The following DNAH6 variants were observed in gnomAD, a reference collection of about 807,000 sequenced individuals.
DNAH6 encodes the protein dynein axonemal heavy chain 6.
A neutral mutation model predicts 491.4 loss-of-function variants in DNAH6; 340 were observed. That is an observed-to-expected ratio of 0.69 (90% confidence interval 0.63 to 0.76). The LOEUF is 0.76. DNAH6 is among the 30% of genes least tolerant of loss of function. DNAH6 has a pLI of 0.00. For synonymous variants in DNAH6, 1,603 were observed against 1,686.1 expected (o/e 0.95, Z 1.21); for missense variants, 4,443 against 4,972.2 (o/e 0.89, Z 3.20).
At chr2:84,515,275 A>G (rs1675515524), upstream of DNAH6, among the ~76,000 whole-genome samples, 1 of 152,150 alleles carries the variant, frequency 6.6e-6, no homozygotes, top group Non-Finnish European at 1.5e-5. Flanking sequence ...AATTTTTTCT[A>G]AACTGACTTT....
At chr2:84,476,839 C>T in the DNAH6 span, among the ~76,000 whole-genome samples, 14 of 152,214 alleles carry the variant, frequency 9.2e-5, no homozygotes, top group African/African-American at 3.4e-4. Context: ...TAATAATTGC[C>T]TTAGGAAATT....
chr2:84,755,234 T>A (rs1485931488), intron 63 of DNAH6, among the ~76,000 whole-genome samples: 1 of 152,184 alleles, frequency 6.6e-6, no homozygotes, highest in South Asian at 2.1e-4. Flanking sequence ...GGGCTTCTTA[T>A]AAAAGCAAGT....
intron 3 of DNAH6, among the ~76,000 whole-genome samples, chr2:84,528,213 A>G (rs1244901511): frequency 6.6e-6 from 1 of 152,170 alleles, no homozygotes; most frequent in Non-Finnish European, 1.5e-5. Flanking sequence ...CATGGTCAGC[A>G]GGATCCAAAC....
intron 16 of DNAH6, among the ~76,000 whole-genome samples, 193 bp from the exon 17 acceptor site, chr2:84,593,779 A>C (rs1684323015): frequency 6.6e-6 from 1 of 151,608 alleles, no homozygotes; most frequent in South Asian, 2.1e-4. Flanking sequence ...TCTAATGGAA[A>C]GTCTAATATA....
At chr2:84,635,866 C>T (rs933412010) in intron 30 of DNAH6, among the ~76,000 whole-genome samples, 9 of 152,166 alleles carry the variant, frequency 5.9e-5, no homozygotes, top group Admixed American at 2.0e-4. Flanking sequence ...GGCTGTGGCA[C>T]ATCACCTTAC....
intron 63 of DNAH6, among the ~76,000 whole-genome samples, chr2:84,760,749 A>T (rs915794656): frequency 1.3e-5 from 2 of 152,122 alleles, no homozygotes; most frequent in Non-Finnish European, 2.9e-5. Context: ...AACAGTATTT[A>T]AAAAAATTTT....
At chr2:84,519,474 G>C (rs1675925674) in intron 2 of DNAH6, among the ~76,000 whole-genome samples, 1 of 152,036 alleles carries the variant, frequency 6.6e-6, no homozygotes, top group South Asian at 2.1e-4. Flanking sequence ...TAGCTTAATA[G>C]TCTAGTGACT....
the DNAH6 span, among the ~76,000 whole-genome samples, chr2:84,477,281 A>G: frequency 1.3e-5 from 2 of 152,300 alleles, no homozygotes; most frequent in East Asian, 3.9e-4. Flanking sequence ...ATGTTCTGCT[A>G]CTTGAGATAA....
At chr2:84,629,584 G>T (rs1250520042) in intron 29 of DNAH6, among the ~76,000 whole-genome samples, 1 of 152,116 alleles carries the variant, frequency 6.6e-6, no homozygotes, top group Non-Finnish European at 1.5e-5. Context: ...GCTTGCTTAT[G>T]CTTTTTTAAA....
intron 2 of DNAH6, among the ~76,000 whole-genome samples, chr2:84,524,753 C>G (rs1455054346): frequency 6.6e-6 from 1 of 152,040 alleles, no homozygotes; most frequent in Non-Finnish European, 1.5e-5. Context: ...ATTGTTTGGT[C>G]TCTGTGAAGT....
At chr2:84,652,015 C>A (rs1238692689) in intron 33 of DNAH6, among the ~76,000 whole-genome samples, 2 of 151,490 alleles carry the variant, frequency 1.3e-5, no homozygotes. Flanking sequence ...ACATAATAAA[C>A]CTATAGAACT....
Position 84,709,433 on chromosome 2 carries a change from G to T in DNAH6, c.9139G>T (p.Glu3047Ter). The T allele has an allele frequency of 6.4e-7, 1 of 1,551,640 alleles. No individual in the cohort carries two copies. Residue 3047 changes from glutamate (E) to a stop codon, truncating the protein, a stop_gained, in exon 55 of 77, where the codon GAG (glutamate) becomes TAG (stop). Transcript: ENST00000389394. LOFTEE classifies it high-confidence loss of function. ...CATTAACATTCTTGGAGATCCCTAC[G>T]AGATACGGCAGTGGAACACTGATGG... ...SLINILGDPYEIRQWNTDGLP... is the reference protein window; with the variant it reads ...SLINILGDPY
chr2:84,632,649 G>T (rs1208657667), intron 29 of DNAH6, among the ~76,000 whole-genome samples: 1 of 152,120 alleles, frequency 6.6e-6, no homozygotes, highest in Non-Finnish European at 1.5e-5. Context: ...CAGCTTTGTT[G>T]TACAGAACAC....
At chr2:84,700,010 G>A (rs1217652898) in intron 48 of DNAH6, among the ~76,000 whole-genome samples, 1 of 152,172 alleles carries the variant, frequency 6.6e-6, no homozygotes, top group Non-Finnish European at 1.5e-5. Flanking sequence ...AGAGAGAAGA[G>A]GGGAGAGAAA....
chr2:84,520,897 G>T (rs1676067595), intron 2 of DNAH6, among the ~76,000 whole-genome samples: 1 of 152,054 alleles, frequency 6.6e-6, no homozygotes, highest in Non-Finnish European at 1.5e-5. Flanking sequence ...CATTATGATA[G>T]ATCAATTTAT....
chr2:84,480,487 A>T, the DNAH6 span, among the ~76,000 whole-genome samples: 1 of 152,238 alleles, frequency 6.6e-6, no homozygotes, highest in East Asian at 1.9e-4. Context: ...GGATAATAAT[A>T]GTACCTACCT....
At chr2:84,559,254 G>A (rs750403109) in intron 11 of DNAH6, among the ~76,000 whole-genome samples, 5 of 152,040 alleles carry the variant, frequency 3.3e-5, no homozygotes, top group Non-Finnish European at 5.9e-5. Context: ...ACAGGAAGGA[G>A]GCCTAAAAGT....
At chr2:84,792,203 T>C (rs1396270918) in intron 68 of DNAH6, among the ~76,000 whole-genome samples, 1 of 152,178 alleles carries the variant, frequency 6.6e-6, no homozygotes, top group African/African-American at 2.4e-5. Flanking sequence ...GACAAGAGAA[T>C]GGTGGGTATC....
chr2:84,812,346 T>C lies in DNAH6; in HGVS notation c.11745T>C (p.Ser3915=). 1.3e-6 allele frequency: 2 copies of C among 1,551,820 alleles called. No homozygotes were observed. The highest frequency in any genetic ancestry group is 1.7e-6 in the Non-Finnish European group (2 of 1,146,942). ...CCCCTTTTTTGTTCTTTCAGACTTC[T>C]CTGGAAACACTCAACAAAGCCATCG... ...FNNLLKLIHT[S]LETLNKAIAG... Residue 3915 remains serine (S), a synonymous_variant, in exon 73 of 77, where the codon TCT becomes TCC. Transcript: ENST00000389394.
Sources: allele counts gnomAD v4.1 joint callset (sites outside exome capture counted in the v4.1 genomes callset), GRCh38; gene constraint gnomAD v4.1.1; transcripts MANE v1.5; gene names NCBI Gene and HGNC (gene_info 2026-07-23, HGNC 2026-07-21).